E4F1: variants seen among roughly 807,000 people sequenced by gnomAD.
E4F1 encodes the protein E4F transcription factor 1, also known as transcription factor E4F1.
E4F1 carries 30 observed loss-of-function variants against 72.9 expected under a neutral mutation model. The ratio of observed to expected loss-of-function variants is 0.41; its 90% CI spans 0.31 to 0.56. The LOEUF is 0.56. Ranked by LOEUF, E4F1 falls within the 20% of genes least tolerant of loss-of-function variation. E4F1 has a pLI of 0.25. For synonymous variants in E4F1, 542 were observed against 478.2 expected, an observed-to-expected ratio of 1.13 and a Z score of -1.74; for missense variants, 1,091 against 1,117.5, an observed-to-expected ratio of 0.98 and a Z score of 0.34.
At chr16:2,224,623 C>T (rs1286916713) in intron 1 of E4F1, among the ~76,000 whole-genome samples, 2 of 151,636 alleles carry the variant, frequency 1.3e-5, no homozygotes, top group East Asian at 3.9e-4. Flanking sequence ...CCCGTCTCTA[C>T]TAAAAATACA....
In E4F1 at chr16:2,233,489, C is replaced by T. The variant is rs146976541; in HGVS notation, c.1108C>T (p.Leu370=). The stretch of plus-strand genomic sequence containing the variant: ...CTCCAGCGAGGGCAGCCGTGAGAAC[C>T]TGCTGCACCAGGCCATGCAGAACTC... ...PCSSEGSREN[L]LHQAMQNSGI... The change falls in exon 8 of 14, where the codon CTG becomes TTG. Residue 370 remains leucine (L), a synonymous_variant. Transcript: ENST00000301727. The T allele has an allele frequency of 1.3e-4, 199 of 1,509,150 alleles. 1 individual carries two copies. The African/African-American group carries it at 2.4e-3, about 18-fold the overall frequency. 93.5% of individuals were successfully genotyped at this position (1,509,150 alleles called of 1,614,324 possible).
Position 2,233,929 on chromosome 16 carries a change from T to C in E4F1, c.1314T>C (p.Pro438=). The change falls in exon 9 of 14, where the codon CCT becomes CCC. Residue 438 remains proline (P), a synonymous_variant. Coordinates refer to ENST00000301727, the MANE Select transcript of E4F1 (RefSeq NM_004424.5). ...CGGTGCCCAGGACCCACCCATGTCC[T>C]CAGTGCAGTGAGACCTTCCCGACAG... The part of the protein sequence containing the change: ...ASAVPRTHPC[P]QCSETFPTAA... 6.2e-7 allele frequency: 1 copy of C among 1,604,106 alleles called. No homozygotes were observed. Among genetic ancestry groups the C allele is most frequent in the South Asian group, 1.1e-5 (1 of 89,528 alleles).
chr16:2,233,186 G>T lies in E4F1; in HGVS notation c.1056+3G>T. 6.3e-7 allele frequency: 1 copy of T among 1,593,172 alleles called. No individual in the cohort carries two copies. On this transcript the variant is annotated splice_donor_region_variant and intron_variant, in intron 7 of 13. Coordinates refer to ENST00000301727, the MANE Select transcript of E4F1 (RefSeq NM_004424.5). ...GCATGAAAGCCCTGGCCCCAGAGGTGGGGGCGACGGGGGGCCCCGGAGGGC... is the reference window on the plus strand; with the variant it reads ...GCATGAAAGCCCTGGCCCCAGAGGTTGGGGCGACGGGGGGCCCCGGAGGGC...
At chr16:2,223,861 C>A in intron 1 of E4F1, 91 bp downstream of exon 1, 1 of 1,531,296 alleles carries the variant, frequency 6.5e-7, no homozygotes, top group Non-Finnish European at 8.7e-7. Context: ...GCGGGCTCGA[C>A]CGACCCTCCC....
intron 1 of E4F1, among the ~76,000 whole-genome samples, chr16:2,224,707 C>A (rs908785479): frequency 1.3e-5 from 2 of 151,854 alleles, no homozygotes; most frequent in Non-Finnish European, 2.9e-5. Context: ...GGCGTGAACT[C>A]GGGAGGTGGA....
chr16:2,228,242 C>T (rs1291948463), intron 1 of E4F1, 130 bp from the exon 2 acceptor site: 1 of 1,251,656 alleles, frequency 8.0e-7, no homozygotes, highest in African/African-American at 1.5e-5. Context: ...TCTCAGCAGC[C>T]TGGGGAAGTA....
rs142229326 is a variant in E4F1 at position 2,233,515 on chromosome 16, C to T, written c.1134C>T (p.Ser378=). The T allele has an allele frequency of 1.5e-4, 227 of 1,517,368 alleles. No individual in the cohort carries two copies. The African/African-American group carries it at 2.1e-3, about 14-fold the overall frequency. 94.0% of individuals were successfully genotyped at this position (1,517,368 alleles called of 1,614,324 possible). ...TGCTGCACCAGGCCATGCAGAACTC[C>T]GGCATCGTCCTTGAGCGCGCTGCTG... ...ENLLHQAMQN[S]GIVLERAAGE... The change falls in exon 8 of 14, where the codon TCC becomes TCT. Residue 378 remains serine, a synonymous_variant. Coordinates refer to ENST00000301727, the MANE Select transcript of E4F1 (RefSeq NM_004424.5).
chr16:2,233,525 C>A lies in E4F1; in HGVS notation c.1144C>A (p.Leu382Ile). ...GGCCATGCAGAACTCCGGCATCGTCCTTGAGCGCGCTGCTGGGGAGGAGGG... is the reference window on the plus strand; with the variant it reads ...GGCCATGCAGAACTCCGGCATCGTCATTGAGCGCGCTGCTGGGGAGGAGGG... ...HQAMQNSGIV[L>I]ERAAGEEGAL... Residue 382 changes from leucine (L) to isoleucine (I), a missense_variant, in exon 8 of 14, where the codon CTT becomes ATT. Physicochemically the swap from Leu to Ile is conservative, Grantham distance 5. Transcript: ENST00000301727. 6.6e-7 allele frequency: 1 copy of A among 1,522,008 alleles called. No homozygotes were observed. The highest frequency in any genetic ancestry group is 8.8e-7 in the Non-Finnish European group (1 of 1,135,432). The allele number at this position is 1,522,008 out of a possible 1,614,324, so 94.3% of individuals were successfully genotyped here. A position where few individuals can be genotyped will look rare whatever the true frequency, so the allele number is the denominator to read the frequency against.
chr16:2,229,964 C>G (rs1348157252), intron 3 of E4F1: 1 of 386,996 alleles, frequency 2.6e-6, no homozygotes, highest in African/African-American at 2.0e-5. Flanking sequence ...CCGTGTCCCT[C>G]CCAGAATCTT....
At position 2,234,578 on chromosome 16, in the gene E4F1, C is replaced by T. The variant is rs1183447883; in HGVS notation, c.1594-5C>T. The T allele has an allele frequency of 6.3e-7, 1 of 1,581,326 alleles. No homozygotes were observed. Among genetic ancestry groups the T allele is most frequent in the East Asian group, 2.3e-5 (1 of 43,298 alleles). On this transcript the variant is annotated splice_polypyrimidine_tract_variant and splice_region_variant and intron_variant, in intron 10 of 13. Transcript: ENST00000301727. Reference sequence around the variant, plus strand: ...CCAGGCTGGCACTGACAGGTGTCTCCACAGAACGCACAGCAGGTGCACTTC... The same window carrying T: ...CCAGGCTGGCACTGACAGGTGTCTCTACAGAACGCACAGCAGGTGCACTTC...
rs575343524 is a variant in E4F1 at position 2,229,225 on chromosome 16, C to T, written c.310-345C>T. On this transcript the variant is annotated intron_variant, in intron 2 of 13. Coordinates refer to ENST00000301727, the MANE Select transcript of E4F1 (RefSeq NM_004424.5). ...CCTCACACCGCTCTGCCGGATGTGG[C>T]GGGCTGGGACTGTGCCATTGTTCCT... Among the ~76,000 whole-genome samples, 19 of 152,340 alleles carry T rather than the reference C, an allele frequency of 1.2e-4. No individual in the cohort carries two copies. In the South Asian group the frequency reaches 2.1e-3, roughly 17 times the overall value.
Position 2,234,261 on chromosome 16 carries a change from G to A in E4F1, c.1466G>A (p.Arg489His), listed in dbSNP as rs2093488259. The change falls in exon 10 of 14, where the codon CGC (arginine) becomes CAC (histidine). Residue 489 changes from arginine (R) to histidine (H), a missense_variant. Arg to His is a conservative substitution (Grantham distance 29). Around this residue, in one of 5 missense-constraint regions of E4F1, gnomAD observed 622 missense variants for 628.0 expected, o/e 0.99. Transcript: ENST00000301727. ...KKHQEVHVRE[R>H]RFRCGDCGKL... ...CACCAGGAGGTGCACGTGCGTGAGCGCCGCTTCCGCTGTGGCGACTGCGGG... is the reference window on the plus strand; with the variant it reads ...CACCAGGAGGTGCACGTGCGTGAGCACCGCTTCCGCTGTGGCGACTGCGGG... The A allele has an allele frequency of 5.0e-6, 8 of 1,612,876 alleles. No individual in the cohort carries two copies. Among genetic ancestry groups the A allele is most frequent in the East Asian group, 2.2e-5 (1 of 44,884 alleles).
rs549167809 is a variant in E4F1 at position 2,229,006 on chromosome 16, C to T, written c.309+483C>T. ...TGAACCCCGCACACGCCGCAGCGGG[C>T]GCTTGTCATCCGCATTGCACGGTCA... On this transcript the variant is annotated intron_variant, in intron 2 of 13. Coordinates refer to ENST00000301727, the MANE Select transcript of E4F1 (RefSeq NM_004424.5). Among the ~76,000 whole-genome samples, 6 of 152,358 alleles carry T rather than the reference C, an allele frequency of 3.9e-5. No homozygotes were observed. In the South Asian group the frequency reaches 8.3e-4, roughly 21 times the overall value.
rs201296918 is a variant in E4F1 at position 2,233,637 on chromosome 16, C to T, written c.1256C>T (p.Pro419Leu). The change falls in exon 8 of 14, where the codon CCG (proline) becomes CTG (leucine). Residue 419 changes from proline to leucine, a missense_variant. Coordinates refer to ENST00000301727, the MANE Select transcript of E4F1 (RefSeq NM_004424.5). ...APQLPVLEVQPLETQVASEAS... is the reference protein window; with the variant it reads ...APQLPVLEVQLLETQVASEAS... ...CAGCTGCCGGTACTGGAAGTGCAGC[C>T]GCTGGAGACAGTAGGTGCCAGCACC... 2.9e-3 allele frequency: 4,378 copies of T among 1,522,550 alleles called. 8 individuals carry two copies. Among genetic ancestry groups the T allele is most frequent in the Non-Finnish European group, 3.7e-3 (4,153 of 1,134,838 alleles). 94.3% of individuals were successfully genotyped at this position (1,522,550 alleles called of 1,614,324 possible). A position where few individuals can be genotyped will look rare whatever the true frequency, so the allele number is the denominator to read the frequency against.
At chr16:2,230,106 C>T (rs922680750) in intron 3 of E4F1, 11 of 195,664 alleles carry the variant, frequency 5.6e-5, no homozygotes, top group Admixed American at 1.6e-4. Context: ...CGGGACTCTC[C>T]CGCCTCTCTA....
At chr16:2,228,096 G>A (rs2080274748) in intron 1 of E4F1, among the ~76,000 whole-genome samples, 1 of 152,314 alleles carries the variant, frequency 6.6e-6, no homozygotes, top group South Asian at 2.1e-4. Context: ...GCCTTAGCAG[G>A]TCCCTGCAGC....
rs770147687 is a variant in E4F1, at chr16:2,233,905, G to A, written c.1290G>A (p.Ala430=). ...AGCAGGTGGCCAGCGAGGCCTCAGC[G>A]GTGCCCAGGACCCACCCATGTCCTC... The part of the protein sequence containing the change: ...LETQVASEAS[A]VPRTHPCPQC... The change falls in exon 9 of 14, where the codon GCG becomes GCA. Residue 430 remains alanine, a synonymous_variant. Coordinates refer to ENST00000301727, the MANE Select transcript of E4F1 (RefSeq NM_004424.5). The A allele has an allele frequency of 1.1e-5, 18 of 1,600,292 alleles. No individual in the cohort carries two copies. Among genetic ancestry groups the A allele is most frequent in the South Asian group, 7.9e-5 (7 of 88,996 alleles).
chr16:2,234,816 G>T, intron 11 of E4F1, 35 bp downstream of exon 11: 2 of 1,543,442 alleles, frequency 1.3e-6, no homozygotes, highest in Non-Finnish European at 1.7e-6. Flanking sequence ...GGGAGGGGAG[G>T]GGGCCGGGGC....
intron 6 of E4F1, 26 bp from the exon 7 acceptor site, chr16:2,232,985 C>A (rs752646018): frequency 3.1e-6 from 5 of 1,609,558 alleles, no homozygotes; most frequent in Non-Finnish European, 3.4e-6. Flanking sequence ...TGTGAGGGAT[C>A]TTCACTCCCT....
Sources: gnomAD v4.1 joint callset for allele counts (sites outside exome capture counted in the v4.1 genomes callset) on GRCh38, gnomAD v4.1.1 for gene constraint, gnomAD v4.1.1 regional missense constraint, MANE v1.5 for transcripts, NCBI Gene and HGNC (gene_info 2026-07-23, HGNC 2026-07-21) for gene names.